The following FARS2 variants were observed in gnomAD, a reference collection of about 807,000 sequenced individuals.
FARS2 encodes the protein phenylalanyl-tRNA synthetase 2, mitochondrial.
Under a neutral mutation model 46.4 loss-of-function variants are expected in FARS2, and 40 were observed. The ratio of observed to expected loss-of-function variants is 0.86; its 90% CI spans 0.67 to 1.12. The LOEUF (loss-of-function observed/expected upper bound fraction) is 1.12. Among genes scored for constraint, FARS2 ranks in the 50% most tolerant of loss-of-function variants. FARS2 has a pLI of 0.00. For synonymous variants in FARS2, 234 were observed against 214.9 expected, an observed-to-expected ratio of 1.09 and a Z score of -0.78; for missense variants, 513 against 567.9, an observed-to-expected ratio of 0.90 and a Z score of 0.98.
intron 1 of FARS2, among the ~76,000 whole-genome samples, chr6:5,271,575 T>C (rs1765951542): frequency 6.8e-6 from 1 of 147,814 alleles, no homozygotes; most frequent in South Asian, 2.2e-4. Context: ...TTTTTTTTTT[T>C]TTTTTGAGGC....
intron 6 of FARS2, among the ~76,000 whole-genome samples, chr6:5,614,411 C>CTTTTTTTTTTTTTTTT (rs199992978): frequency 7.2e-6 from 1 of 139,482 alleles, no homozygotes; most frequent in African/African-American, 2.7e-5. Context: ...CCTTCTTTGT[C>CTTTTTTTTTTTTTTTT]TTTTTTTTTT....
chr6:5,658,345 ATTG>A (rs1195283586), intron 6 of FARS2, among the ~76,000 whole-genome samples: 1 of 152,122 alleles, frequency 6.6e-6, no homozygotes, highest in African/African-American at 2.4e-5. Context: ...TTATTAAGTT[ATTG>A]TTATTACTTA....
intron 5 of FARS2, among the ~76,000 whole-genome samples, chr6:5,593,194 G>A (rs1479728810): frequency 2.6e-5 from 4 of 152,150 alleles, no homozygotes; most frequent in Non-Finnish European, 4.4e-5. Context: ...CCGACCGTGA[G>A]TGAGTAACAG....
At chr6:5,613,040 C>A (rs1021226507) in intron 5 of FARS2, 129 bp from the exon 6 acceptor site, 1 of 725,998 alleles carries the variant, frequency 1.4e-6, no homozygotes, top group Non-Finnish European at 2.3e-6. Context: ...TTTTGTTCTG[C>A]AAATTTAGAT....
chr6:5,724,353 C>T (rs1760116433), intron 6 of FARS2, among the ~76,000 whole-genome samples: 1 of 152,184 alleles, frequency 6.6e-6, no homozygotes, highest in South Asian at 2.1e-4. Context: ...TGACAGGGGA[C>T]TCCGTTGCTG....
At chr6:5,578,158 A>G (rs1773097292) in intron 5 of FARS2, among the ~76,000 whole-genome samples, 1 of 152,144 alleles carries the variant, frequency 6.6e-6, no homozygotes, top group Non-Finnish European at 1.5e-5. Context: ...TTTCCATTTC[A>G]TTTTGATAAG....
chr6:5,520,114 C>G (rs1769040512), intron 4 of FARS2, among the ~76,000 whole-genome samples: 1 of 152,138 alleles, frequency 6.6e-6, no homozygotes, highest in African/African-American at 2.4e-5. Context: ...AAGGAGGAAC[C>G]TGCCGCACCC....
chr6:5,748,536 GATAAA>G (rs1361519816), intron 6 of FARS2, among the ~76,000 whole-genome samples: 2 of 152,164 alleles, frequency 1.3e-5, no homozygotes, highest in Non-Finnish European at 2.9e-5. Flanking sequence ...AGTAAAAACT[GATAAA>G]ATAAAGAGCT....
rs377021387 is a variant in FARS2 at position 5,717,933 on chromosome 6, T to C, written c.1218-53358T>C. Among the ~76,000 whole-genome samples, 20 of 128,230 alleles carry C rather than the reference T, an allele frequency of 1.6e-4. 1 individual carries two copies. The highest frequency in any genetic ancestry group is 4.7e-4 in the African/African-American group (12 of 25,586). 84.1% of individuals were successfully genotyped at this position (128,230 alleles called of 152,430 possible). ...CTATATATATATATATATATATATA[T>C]ATACAGAGTCTCACTCTGTCGCCCA... On this transcript the variant is annotated intron_variant, in intron 6 of 6. Coordinates refer to ENST00000274680, the MANE Select transcript of FARS2 (RefSeq NM_006567.5).
rs151191800 is a variant in FARS2 at position 5,506,607 on chromosome 6, C to A, written c.905-38573C>A. Reference sequence around the variant, plus strand: ...TCCCACCACTGCCTAAGATTCCAGACGGGTATCACTCTGTGGACACCCAGC... The same window carrying A: ...TCCCACCACTGCCTAAGATTCCAGAAGGGTATCACTCTGTGGACACCCAGC... On this transcript the variant is annotated intron_variant, in intron 4 of 6. Transcript: ENST00000274680. 9.9e-4 allele frequency among the ~76,000 whole-genome samples: 150 copies of A among 152,274 alleles called. 1 individual carries two copies. Among genetic ancestry groups the A allele is most frequent in the African/African-American group, 3.4e-3 (141 of 41,550 alleles).
chr6:5,481,939 C>T (rs1766486242), intron 4 of FARS2, among the ~76,000 whole-genome samples: 1 of 152,132 alleles, frequency 6.6e-6, no homozygotes, highest in African/African-American at 2.4e-5. Context: ...GAGGACTGTC[C>T]TCGTAAGTTC....
intron 1 of FARS2, among the ~76,000 whole-genome samples, chr6:5,278,989 G>T (rs1766529071): frequency 6.6e-6 from 1 of 152,184 alleles, no homozygotes; most frequent in South Asian, 2.1e-4. Context: ...AGAGGTCTTG[G>T]TGATGTGTCT....
intron 2 of FARS2, among the ~76,000 whole-genome samples, chr6:5,386,148 T>C (rs1267609526): frequency 1.3e-5 from 2 of 152,122 alleles, no homozygotes; most frequent in Admixed American, 6.6e-5. Context: ...GGGGTAATAA[T>C]AGAAGGTGTC....
chr6:5,354,676 G>C (rs1757802646), intron 1 of FARS2, among the ~76,000 whole-genome samples: 1 of 152,088 alleles, frequency 6.6e-6, no homozygotes, highest in Non-Finnish European at 1.5e-5. Flanking sequence ...ACCACGCCCA[G>C]CTAACTTTTT....
chr6:5,708,047 A>C (rs1758871439), intron 6 of FARS2, among the ~76,000 whole-genome samples: 1 of 152,212 alleles, frequency 6.6e-6, no homozygotes, highest in African/African-American at 2.4e-5. Flanking sequence ...CAGGTGGAAC[A>C]GGTCAGAGGG....
chr6:5,454,366 G>T (rs1764700006), intron 4 of FARS2, among the ~76,000 whole-genome samples: 1 of 151,008 alleles, frequency 6.6e-6, no homozygotes, highest in Non-Finnish European at 1.5e-5. Flanking sequence ...TTTAGAGATG[G>T]AGTCTCACTC....
chr6:5,427,781 G>A (rs1762933375), intron 3 of FARS2, among the ~76,000 whole-genome samples: 1 of 152,182 alleles, frequency 6.6e-6, no homozygotes, highest in Non-Finnish European at 1.5e-5. Flanking sequence ...CAGGATGATT[G>A]AGGAAGAAGA....
intron 6 of FARS2, among the ~76,000 whole-genome samples, chr6:5,721,602 TCGA>T (rs1759915694): frequency 6.6e-6 from 1 of 152,208 alleles, no homozygotes; most frequent in Non-Finnish European, 1.5e-5. Flanking sequence ...CTTTTAAGCG[TCGA>T]CACATTTCAT....
At chr6:5,599,203 C>T (rs1357572616) in intron 5 of FARS2, among the ~76,000 whole-genome samples, 1 of 152,200 alleles carries the variant, frequency 6.6e-6, no homozygotes, top group Non-Finnish European at 1.5e-5. Flanking sequence ...CACCTAGCAT[C>T]TCCACTCATT....
Sources: allele counts gnomAD v4.1 joint callset (sites outside exome capture counted in the v4.1 genomes callset), GRCh38; gene constraint gnomAD v4.1.1; transcripts MANE v1.5; gene names NCBI Gene and HGNC (gene_info 2026-07-23, HGNC 2026-07-21).